The following TRIM71 variants were observed in gnomAD, a reference collection of about 807,000 sequenced individuals.
TRIM71 encodes tripartite motif containing 71.
TRIM71 carries 9 observed loss-of-function variants against 61.2 expected under a neutral mutation model. The ratio of observed to expected loss-of-function variants is 0.15; its 90% CI spans 0.09 to 0.26. TRIM71 has a LOEUF of 0.26. Among genes scored for constraint, TRIM71 ranks in the 10% least tolerant of loss-of-function variants. The pLI is 1.00. For missense variants in TRIM71, 998 were observed against 1,238.7 expected (o/e 0.81, Z 2.92); for synonymous variants, 645 against 553.2 (o/e 1.17, Z -2.33).
chr3:32,828,664 T>TA (rs1040639899), intron 1 of TRIM71, among the ~76,000 whole-genome samples: 2 of 151,678 alleles, frequency 1.3e-5, no homozygotes, highest in Non-Finnish European at 2.9e-5. Context: ...CCCGGCTAAT[T>TA]AAAAAAAATT....
At chr3:32,863,764 C>T (rs187325002) in intron 1 of TRIM71, among the ~76,000 whole-genome samples, 4 of 151,888 alleles carry the variant, frequency 2.6e-5, no homozygotes, top group African/African-American at 9.7e-5. Flanking sequence ...TCACTGCAGC[C>T]TCTGCCTCCC....
At chr3:32,824,791 C>T (rs1213593763) in intron 1 of TRIM71, among the ~76,000 whole-genome samples, 3 of 151,862 alleles carry the variant, frequency 2.0e-5, no homozygotes, top group Non-Finnish European at 4.4e-5. Flanking sequence ...GCTAGATAGT[C>T]CTTTTCTTTT....
chr3:32,819,331 T>G (rs1696102502), intron 1 of TRIM71, among the ~76,000 whole-genome samples: 1 of 152,146 alleles, frequency 6.6e-6, no homozygotes, highest in Admixed American at 6.5e-5. Context: ...CGCTCCTTTA[T>G]TTTCAGATTT....
Position 32,890,936 on chromosome 3 carries a change from G to A in TRIM71, c.1732G>A (p.Val578Met). 1 of 1,614,210 alleles carries A rather than the reference G, an allele frequency of 6.2e-7. No individual in the cohort carries two copies. The highest frequency in any genetic ancestry group is 8.5e-7 in the Non-Finnish European group (1 of 1,180,048). The stretch of plus-strand genomic sequence containing the variant: ...GCACATTGAGAACAGCCCTTTCAAG[G>A]TGGTGGTCAAGTCAGGCCGCAGCTA... The part of the protein sequence containing the change: ...NQHIENSPFK[V>M]VVKSGRSYVG... The change falls in exon 4 of 4, where the codon GTG becomes ATG. Residue 578 changes from valine to methionine, a missense_variant. This residue lies in a region of TRIM71 where 291 missense variants were observed against 431.2 expected (regional missense o/e 0.67). Coordinates refer to ENST00000383763, the MANE Select transcript of TRIM71 (RefSeq NM_001039111.3). The surrounding 1 kb of genome is among the most constrained non-coding windows in gnomAD (Gnocchi z 6.2).
At chr3:32,865,819 T>TCCCCC (rs1696729435) in intron 1 of TRIM71, among the ~76,000 whole-genome samples, 1 of 4,770 alleles carries the variant, frequency 2.1e-4, no homozygotes, top group Non-Finnish European at 6.6e-4. Flanking sequence ...CCCCACCTTT[T>TCCCCC]TTTTTTTTTT....
At chr3:32,851,479 T>C (rs916681662) in intron 1 of TRIM71, among the ~76,000 whole-genome samples, 1 of 152,150 alleles carries the variant, frequency 6.6e-6, no homozygotes, top group East Asian at 1.9e-4. Flanking sequence ...TGTTTTTTGT[T>C]TTTGTTTTTG....
At chr3:32,833,907 G>T (rs1340595356) in intron 1 of TRIM71, among the ~76,000 whole-genome samples, 1 of 151,980 alleles carries the variant, frequency 6.6e-6, no homozygotes, top group African/African-American at 2.4e-5. Context: ...GTTTTTGTTT[G>T]TTTTTTAATT....
In TRIM71 at chr3:32,892,179, A is replaced by G; in HGVS notation, c.*368A>G. On this transcript the variant is annotated 3_prime_UTR_variant, in exon 4 of 4. Coordinates refer to ENST00000383763, the MANE Select transcript of TRIM71 (RefSeq NM_001039111.3). ...TGATATGCACAAGCCTGGCATCTGT[A>G]TGGCTGGGAGGGCACTGGATGTGTG... 5.0e-6 allele frequency: 1 copy of G among 201,042 alleles called. No homozygotes were observed. Among genetic ancestry groups the G allele is most frequent in the Non-Finnish European group, 1.0e-5 (1 of 99,610 alleles). The allele number at this position is 201,042 out of a possible 1,614,324, so 12.5% of individuals were successfully genotyped here. A position where few individuals can be genotyped will look rare whatever the true frequency, so the allele number is the denominator to read the frequency against.
chr3:32,851,426 C>G (rs2125682122), intron 1 of TRIM71, among the ~76,000 whole-genome samples: 1 of 152,300 alleles, frequency 6.6e-6, no homozygotes, highest in East Asian at 1.9e-4. Flanking sequence ...CGTTGTCCTC[C>G]TCACCTTTAA....
At chr3:32,850,648 AG>A (rs1696528007) in intron 1 of TRIM71, among the ~76,000 whole-genome samples, 1 of 152,218 alleles carries the variant, frequency 6.6e-6, no homozygotes, top group South Asian at 2.1e-4. Flanking sequence ...ATAACCTTTA[AG>A]GAAGACTAGC....
chr3:32,885,221 A>C (rs1333356796), intron 2 of TRIM71, among the ~76,000 whole-genome samples: 1 of 152,218 alleles, frequency 6.6e-6, no homozygotes, highest in Non-Finnish European at 1.5e-5. Flanking sequence ...TCCCTGATTT[A>C]ATAGCTCGGT....
At chr3:32,858,007 G>T (rs59274379) in intron 1 of TRIM71, among the ~76,000 whole-genome samples, 1 of 152,058 alleles carries the variant, frequency 6.6e-6, no homozygotes, top group East Asian at 1.9e-4. Flanking sequence ...AGAAGAAAAC[G>T]TGTTTACTAT....
chr3:32,818,483 G>A lies in TRIM71; in HGVS notation c.403G>A (p.Gly135Arg). The change falls in exon 1 of 4, where the codon GGG (glycine) becomes AGG (arginine). Residue 135 changes from glycine to arginine, a missense_variant. By Grantham distance (125) the Gly-to-Arg change is moderately radical (BLOSUM62 -2). Transcript: ENST00000383763. ...TGCCGACGAGCCGCCGCCCAAGAAC[G>A]GGCGCGCCGGCGCTCCGGCGGGAGC... ...ATADEPPPKN[G>R]RAGAPAGAGG... The A allele has an allele frequency of 2.1e-6, 3 of 1,442,916 alleles. No individual in the cohort carries two copies. The highest frequency in any genetic ancestry group is 2.7e-6 in the Non-Finnish European group (3 of 1,102,314). The allele number at this position is 1,442,916 out of a possible 1,614,324, so 89.4% of individuals were successfully genotyped here. A position where few individuals can be genotyped will look rare whatever the true frequency, so the allele number is the denominator to read the frequency against.
intron 1 of TRIM71, among the ~76,000 whole-genome samples, chr3:32,847,652 T>C (rs530015390): frequency 1.3e-5 from 2 of 152,256 alleles, no homozygotes; most frequent in Non-Finnish European, 2.9e-5. Flanking sequence ...CAAGTACACA[T>C]TGACTATCTG....
intron 2 of TRIM71, among the ~76,000 whole-genome samples, chr3:32,874,866 G>A (rs1452777859): frequency 1.3e-5 from 2 of 151,808 alleles, no homozygotes; most frequent in Non-Finnish European, 2.9e-5. Flanking sequence ...TGTCACCCAG[G>A]CTGGAGTGTA....
intron 1 of TRIM71, among the ~76,000 whole-genome samples, chr3:32,843,805 C>T (rs1053755345): frequency 6.6e-6 from 1 of 152,188 alleles, no homozygotes; most frequent in Non-Finnish European, 1.5e-5. Context: ...TGTCGTGCTG[C>T]TTTCTGGGAA....
intron 1 of TRIM71, among the ~76,000 whole-genome samples, chr3:32,845,829 T>G (rs1329069246): frequency 1.3e-5 from 2 of 151,852 alleles, no homozygotes; most frequent in East Asian, 3.9e-4. Context: ...CAAGTGATTC[T>G]CCTGTCTCAG....
At chr3:32,882,441 C>T (rs989328127) in intron 2 of TRIM71, among the ~76,000 whole-genome samples, 2 of 152,158 alleles carry the variant, frequency 1.3e-5, no homozygotes, top group Non-Finnish European at 2.9e-5. Context: ...AACCCTGTCA[C>T]ACTCTTGCCA....
chr3:32,873,924 A>C lies in TRIM71; in HGVS notation c.959A>C (p.Asp320Ala). Residue 320 changes from aspartate (D) to alanine (A), a missense_variant, in exon 2 of 4, where the codon GAC (aspartate) becomes GCC (alanine). Coordinates refer to ENST00000383763, the MANE Select transcript of TRIM71 (RefSeq NM_001039111.3). ...SFIYLQEALQ[D>A]SRALTIQLLA... Reference sequence around the variant, plus strand: ...ATCTACCTCCAGGAGGCACTGCAGGACTCACGGGCACTCACCATCCAGCTG... The same window carrying C: ...ATCTACCTCCAGGAGGCACTGCAGGCCTCACGGGCACTCACCATCCAGCTG... The C allele has an allele frequency of 6.2e-7, 1 of 1,613,696 alleles. No individual in the cohort carries two copies. Among genetic ancestry groups the C allele is most frequent in the Non-Finnish European group, 8.5e-7 (1 of 1,179,852 alleles).
Sources: gnomAD v4.1 joint callset for allele counts (sites outside exome capture counted in the v4.1 genomes callset) on GRCh38, gnomAD v4.1.1 for gene constraint, gnomAD v4.1.1 regional missense constraint, Gnocchi (gnomAD v3.1) non-coding constraint, MANE v1.5 for transcripts, NCBI Gene and HGNC (gene_info 2026-07-23, HGNC 2026-07-21) for gene names.